PRELID2: variants seen among roughly 807,000 people sequenced by gnomAD.
The protein encoded by PRELID2 is PRELI domain containing 2, also known as PRELI domain-containing protein 2.
PRELID2 carries 25 observed loss-of-function variants against 28.4 expected under a neutral mutation model. That is an observed-to-expected ratio of 0.88 (90% CI 0.64 to 1.23). The LOEUF is 1.23. Ranked by LOEUF, PRELID2 falls within the 50% of genes most tolerant of loss-of-function variation. The pLI is 0.00. For missense variants in PRELID2, 201 were observed against 214.4 expected, an observed-to-expected ratio of 0.94 and a Z score of 0.39; for synonymous variants, 76 against 71.6, an observed-to-expected ratio of 1.06 and a Z score of -0.31.
chr5:145,329,208 G>A, the PRELID2 span, among the ~76,000 whole-genome samples: 18 of 152,034 alleles, frequency 1.2e-4, no homozygotes, highest in Admixed American at 8.5e-4. Flanking sequence ...GTCAGGTAGC[G>A]CGATGCCTCC....
At chr5:145,332,277 G>A in the PRELID2 span, among the ~76,000 whole-genome samples, 25 of 152,088 alleles carry the variant, frequency 1.6e-4, no homozygotes, top group African/African-American at 5.6e-4. Flanking sequence ...TATCTTTGTG[G>A]TGTTCTGTGT....
chr5:145,763,241 A>G (rs1316647078), intron 6 of PRELID2, among the ~76,000 whole-genome samples: 3 of 152,222 alleles, frequency 2.0e-5, no homozygotes, highest in African/African-American at 7.2e-5. Context: ...TGCAAGTACA[A>G]GAGGTGCTTA....
the PRELID2 span, among the ~76,000 whole-genome samples, chr5:145,402,905 C>T: frequency 1.3e-5 from 2 of 152,080 alleles, no homozygotes; most frequent in Non-Finnish European, 2.9e-5. Context: ...AATGACCTTG[C>T]TGAGCCATCC....
chr5:145,820,129 T>TG (rs1278883349), intron 2 of PRELID2, 111 bp from the exon 3 acceptor site: 12 of 588,154 alleles, frequency 2.0e-5, no homozygotes, highest in Non-Finnish European at 2.9e-5. Context: ...TTTTGTTTTT[T>TG]TTTTTTGAGA....
chr5:145,413,570 C>A, the PRELID2 span, among the ~76,000 whole-genome samples: 2 of 149,752 alleles, frequency 1.3e-5, no homozygotes, highest in Non-Finnish European at 3.0e-5. Flanking sequence ...AAATATGGAA[C>A]CAGCCTAAAT....
At chr5:145,801,916 G>A (rs1372286561) in intron 4 of PRELID2, among the ~76,000 whole-genome samples, 2 of 152,192 alleles carry the variant, frequency 1.3e-5, no homozygotes, top group African/African-American at 4.8e-5. Flanking sequence ...TACTGCCTGG[G>A]CTTGGCATAG....
the PRELID2 span, among the ~76,000 whole-genome samples, chr5:145,449,447 A>G: frequency 6.6e-6 from 1 of 152,012 alleles, no homozygotes; most frequent in African/African-American, 2.4e-5. Flanking sequence ...CAATGTTCAG[A>G]TGCTCCTTCT....
At chr5:145,343,734 T>C in the PRELID2 span, among the ~76,000 whole-genome samples, 5 of 151,450 alleles carry the variant, frequency 3.3e-5, no homozygotes, top group Non-Finnish European at 5.9e-5. Flanking sequence ...AAATTAGTGA[T>C]TTGAAAAGAT....
chr5:145,790,447 G>A (rs1404348582), intron 5 of PRELID2, among the ~76,000 whole-genome samples: 7 of 152,058 alleles, frequency 4.6e-5, no homozygotes, highest in African/African-American at 1.7e-4. Context: ...TAGAAGTAGA[G>A]AGTAGAATGG....
intron 3 of PRELID2, among the ~76,000 whole-genome samples, chr5:145,818,975 G>A (rs1252606364): frequency 6.6e-6 from 1 of 152,128 alleles, no homozygotes; most frequent in African/African-American, 2.4e-5. Flanking sequence ...GGGTTTTCCT[G>A]TGCTGTTCCC....
At chr5:145,475,052 A>C (rs1752087842) in intron 1 of PRELID2, among the ~76,000 whole-genome samples, 1 of 152,234 alleles carries the variant, frequency 6.6e-6, no homozygotes, top group Admixed American at 6.5e-5. Context: ...ACATAGGACA[A>C]GACACACAGA....
intron 1 of PRELID2, among the ~76,000 whole-genome samples, chr5:145,747,153 G>A (rs940903049): frequency 6.6e-6 from 1 of 151,186 alleles, no homozygotes; most frequent in Admixed American, 6.6e-5. Context: ...TAATCCAAAA[G>A]CTAGCAGAAG....
intron 1 of PRELID2, among the ~76,000 whole-genome samples, chr5:145,577,135 A>G (rs1453860410): frequency 6.6e-6 from 1 of 152,128 alleles, no homozygotes; most frequent in Non-Finnish European, 1.5e-5. Context: ...TAGCTTGCAA[A>G]GACTGGAATA....
rs145704982 is a variant in PRELID2, at chr5:145,668,632, A to G, written n.70+96299T>C. 3.2e-4 allele frequency among the ~76,000 whole-genome samples: 49 copies of G among 152,216 alleles called. No individual in the cohort carries two copies. In the East Asian group the frequency reaches 9.5e-3, roughly 29 times the overall value. On this transcript the variant is annotated intron_variant and non_coding_transcript_variant, in intron 1 of 2. Transcript: ENST00000510259. ...TTGTTGGGCACTGGGCTAAGCACAT[A>G]AGGTATATTATATAATATAATCCTC...
the PRELID2 span, among the ~76,000 whole-genome samples, chr5:145,461,880 T>C: frequency 6.6e-6 from 1 of 152,218 alleles, no homozygotes; most frequent in African/African-American, 2.4e-5. Flanking sequence ...ATTGAGGATA[T>C]ATGACGAGGT....
At chr5:145,491,934 C>T (rs139200621) in intron 1 of PRELID2, among the ~76,000 whole-genome samples, 78 of 152,220 alleles carry the variant, frequency 5.1e-4, no homozygotes, top group Admixed American at 3.2e-3. Flanking sequence ...TTCCTTTACC[C>T]GTTCATCTGT....
intron 5 of PRELID2, among the ~76,000 whole-genome samples, chr5:145,783,725 T>C (rs1751791992): frequency 6.6e-6 from 1 of 152,212 alleles, no homozygotes; most frequent in Non-Finnish European, 1.5e-5. Flanking sequence ...AGGGTTCACA[T>C]GAACAAGCAG....
chr5:145,491,469 T>G (rs1752268033), intron 1 of PRELID2, among the ~76,000 whole-genome samples: 1 of 152,220 alleles, frequency 6.6e-6, no homozygotes. Flanking sequence ...ACAAATATTT[T>G]GAAGTATATG....
At chr5:145,442,647 G>A in the PRELID2 span, among the ~76,000 whole-genome samples, 1 of 151,968 alleles carries the variant, frequency 6.6e-6, no homozygotes, top group African/African-American at 2.4e-5. Flanking sequence ...TGATTATGAG[G>A]TGAGATGGTT....
Sources: gnomAD v4.1 joint callset for allele counts (sites outside exome capture counted in the v4.1 genomes callset) on GRCh38, gnomAD v4.1.1 for gene constraint, MANE v1.5 for transcripts, NCBI Gene and HGNC (gene_info 2026-07-23, HGNC 2026-07-21) for gene names.